The following GRID2 variants were observed in gnomAD, a reference collection of about 807,000 sequenced individuals.
GRID2 encodes the protein glutamate receptor ionotropic, delta-2.
GRID2 carries 33 observed loss-of-function variants against 114.8 expected under a neutral mutation model. The ratio of observed to expected loss-of-function variants is 0.29; its 90% CI spans 0.22 to 0.38. The LOEUF is 0.38. GRID2 is among the 10% of genes least tolerant of loss of function. GRID2 has a pLI of 1.00. For missense variants in GRID2, 1,184 were observed against 1,257.7 expected (o/e 0.94, Z 0.89); for synonymous variants, 505 against 449.9 (o/e 1.12, Z -1.55).
intron 1 of GRID2, among the ~76,000 whole-genome samples, chr4:92,393,762 G>C (rs1730364091): frequency 6.6e-6 from 1 of 152,092 alleles, no homozygotes; most frequent in Non-Finnish European, 1.5e-5. Context: ...TTATTAGCCA[G>C]AAGTTTTCTG....
intron 14 of GRID2, among the ~76,000 whole-genome samples, chr4:93,664,551 G>A (rs1005941902): frequency 6.6e-5 from 10 of 152,160 alleles, no homozygotes; most frequent in African/African-American, 2.2e-4. Context: ...AAAGAGAAGA[G>A]CCAAGTATGA....
intron 2 of GRID2, among the ~76,000 whole-genome samples, chr4:93,010,845 T>C (rs950918637): frequency 7.9e-5 from 12 of 152,120 alleles, no homozygotes; most frequent in African/African-American, 2.9e-4. Flanking sequence ...CTTTATAATT[T>C]TTTCTGTTGT....
At chr4:92,721,068 T>C (rs1735786933) in intron 2 of GRID2, among the ~76,000 whole-genome samples, 1 of 152,088 alleles carries the variant, frequency 6.6e-6, no homozygotes, top group Admixed American at 6.6e-5. Flanking sequence ...AGGACAAATA[T>C]TGTATGATTC....
intron 2 of GRID2, among the ~76,000 whole-genome samples, chr4:92,821,425 A>G (rs1428332414): frequency 1.3e-5 from 2 of 152,186 alleles, no homozygotes; most frequent in African/African-American, 4.8e-5. Context: ...CATGGATTCT[A>G]TGTAAGAATT....
chr4:93,556,086 C>A (rs1463437593), intron 13 of GRID2, among the ~76,000 whole-genome samples: 1 of 152,172 alleles, frequency 6.6e-6, no homozygotes, highest in Non-Finnish European at 1.5e-5. Flanking sequence ...GATGTCCACA[C>A]AAAATCCCCA....
chr4:92,816,050 T>C (rs1487349079), intron 2 of GRID2, among the ~76,000 whole-genome samples: 1 of 149,816 alleles, frequency 6.7e-6, no homozygotes, highest in Non-Finnish European at 1.5e-5. Context: ...GCATGGTGGC[T>C]CATGCCTGTA....
intron 11 of GRID2, among the ~76,000 whole-genome samples, chr4:93,487,443 T>C (rs1013823650): frequency 2.0e-5 from 3 of 151,910 alleles, no homozygotes; most frequent in African/African-American, 7.2e-5. Flanking sequence ...TCCCATCTAC[T>C]TTCAAAACTT....
chr4:92,741,136 G>A (rs991850152), intron 2 of GRID2, among the ~76,000 whole-genome samples: 4 of 152,020 alleles, frequency 2.6e-5, no homozygotes, highest in Admixed American at 2.0e-4. Context: ...TTCAAATTAC[G>A]TCTCTTACTT....
At chr4:93,765,608 T>TTATATATATA (rs66550272) in intron 14 of GRID2, among the ~76,000 whole-genome samples, 158 of 29,456 alleles carry the variant, frequency 5.4e-3, no homozygotes, top group African/African-American at 0.016. Context: ...AGGTGAGGTA[T>TTATATATATA]TATATATATA....
chr4:92,959,223 C>G (rs946592328), intron 2 of GRID2, among the ~76,000 whole-genome samples: 1 of 150,718 alleles, frequency 6.6e-6, no homozygotes, highest in African/African-American at 2.4e-5. Flanking sequence ...ACTATTATTA[C>G]TTCCAGTTAC....
At chr4:93,265,119 G>A (rs1464789959) in intron 8 of GRID2, among the ~76,000 whole-genome samples, 2 of 151,942 alleles carry the variant, frequency 1.3e-5, no homozygotes, top group Non-Finnish European at 2.9e-5. Context: ...AATTGCATAC[G>A]TAACTGGTAG....
intron 2 of GRID2, among the ~76,000 whole-genome samples, chr4:92,594,268 T>C (rs2149214178): frequency 6.6e-6 from 1 of 152,032 alleles, no homozygotes; most frequent in African/African-American, 2.4e-5. Flanking sequence ...TTGATATTTA[T>C]TTGCTATTTA....
chr4:92,791,911 G>A (rs1229908455), intron 2 of GRID2, among the ~76,000 whole-genome samples: 1 of 151,798 alleles, frequency 6.6e-6, no homozygotes, highest in Admixed American at 6.6e-5. Context: ...TTAGTGTAGG[G>A]CCTCATGCAG....
rs150180320 is a variant in GRID2 at position 93,685,825 on chromosome 4, A to C, written c.2360+59390A>C. Among the ~76,000 whole-genome samples, 1,013 of 152,156 alleles carry C rather than the reference A, an allele frequency of 6.7e-3. 13 individuals are homozygous for C. Among genetic ancestry groups the C allele is most frequent in the African/African-American group, 0.023 (974 of 41,526 alleles). On this transcript the variant is annotated intron_variant, in intron 14 of 15. Coordinates refer to ENST00000282020, the MANE Select transcript of GRID2 (RefSeq NM_001510.4). ...CTTGACTCTGCCCCTATTTCCATTC[A>C]TTACATTCTGTATACAAATTCTATT...
At chr4:92,965,476 A>AC (rs1365911513) in intron 2 of GRID2, among the ~76,000 whole-genome samples, 50 of 132,270 alleles carry the variant, frequency 3.8e-4, no homozygotes, top group African/African-American at 1.3e-3. Context: ...AAAAAAAAAA[A>AC]AAAAAAAAAA....
intron 2 of GRID2, chr4:92,885,095 A>G: frequency 6.2e-6 from 2 of 320,444 alleles, no homozygotes; most frequent in Non-Finnish European, 1.2e-5. Flanking sequence ...TTGAAATAAA[A>G]AAACTGTTAA....
intron 6 of GRID2, among the ~76,000 whole-genome samples, chr4:93,221,200 T>G (rs902226108): frequency 2.0e-5 from 3 of 152,176 alleles, no homozygotes; most frequent in Admixed American, 2.0e-4. Flanking sequence ...AGATCACATC[T>G]GTAATAATGT....
At chr4:92,626,910 C>A (rs574253813) in intron 2 of GRID2, among the ~76,000 whole-genome samples, 3 of 152,054 alleles carry the variant, frequency 2.0e-5, no homozygotes, top group African/African-American at 7.2e-5. Context: ...AAGCAAAATA[C>A]ATTCACAAAC....
chr4:92,600,906 C>T (rs1256772452), intron 2 of GRID2, among the ~76,000 whole-genome samples: 2 of 152,224 alleles, frequency 1.3e-5, no homozygotes, highest in South Asian at 2.1e-4. Flanking sequence ...CTGGCTGCCC[C>T]TTGGTAGAGG....
Sources: gnomAD v4.1 joint callset for allele counts (sites outside exome capture counted in the v4.1 genomes callset) on GRCh38, gnomAD v4.1.1 for gene constraint, MANE v1.5 for transcripts, NCBI Gene and HGNC (gene_info 2026-07-23, HGNC 2026-07-21) for gene names.